The following GRK7 variants were observed in gnomAD, a reference collection of about 807,000 sequenced individuals.
GRK7 encodes rhodopsin kinase GRK7.
GRK7 carries 24 observed loss-of-function variants against 34.1 expected under a neutral mutation model. The observed-to-expected ratio is 0.70, with a 90% confidence interval of 0.51 to 0.99. The LOEUF is 0.99. Among genes scored for constraint, GRK7 ranks in the 50% least tolerant of loss-of-function variants. GRK7 has a pLI of 0.00. For synonymous variants in GRK7, 256 were observed against 279.4 expected (o/e 0.92, Z 0.84); for missense variants, 644 against 707.3 (o/e 0.91, Z 1.02).
chr3:141,816,744 T>C lies in GRK7; in HGVS notation c.1356T>C (p.His452=), dbSNP rs768947512. 8.4e-6 allele frequency: 13 copies of C among 1,543,246 alleles called. No individual in the cohort carries two copies. Among genetic ancestry groups the C allele is most frequent in the Admixed American group, 8.1e-5 (4 of 49,354 alleles). Reference sequence around the variant, plus strand: ...AGTCTGATGATCCCAGGAAACATCATTTCTTTAAAACGATCAACTTTCCTC... The same window carrying C: ...AGTCTGATGATCCCAGGAAACATCACTTCTTTAAAACGATCAACTTTCCTC... ...REKSDDPRKH[H]FFKTINFPRL... is the part of the protein sequence containing the mutation. Residue 452 remains histidine (H), a synonymous_variant, in exon 6 of 6, where the codon CAT becomes CAC. Transcript: ENST00000682958.
chr3:141,808,568 C>A (rs1445649470), intron 5 of GRK7, among the ~76,000 whole-genome samples: 1 of 151,762 alleles, frequency 6.6e-6, no homozygotes, highest in Admixed American at 6.6e-5. Flanking sequence ...CAAAAATTAG[C>A]CGGGGGCGGT....
At chr3:141,791,292 C>A (rs544879400) in intron 4 of GRK7, among the ~76,000 whole-genome samples, 1 of 152,284 alleles carries the variant, frequency 6.6e-6, no homozygotes, top group East Asian at 1.9e-4. Context: ...TTTTAAAAGA[C>A]CTCTGAACAT....
chr3:141,809,691 C>G (rs1000958314), intron 5 of GRK7, among the ~76,000 whole-genome samples: 10 of 152,010 alleles, frequency 6.6e-5, no homozygotes, highest in Non-Finnish European at 1.5e-4. Flanking sequence ...GAGCAAGACC[C>G]TGTCTCTAAA....
rs889332315 is a variant in GRK7, at chr3:141,765,482, T to G, written c.-471T>G. ...AAACATGGCCACAGTATTTTACAGC[T>G]ACTCCTATCAACCTGGGCTAGGCTT... is the stretch of plus-strand genomic sequence containing the variant. On this transcript the variant is annotated 5_prime_UTR_variant, in exon 1 of 6. Transcript: ENST00000682958. Among the ~76,000 whole-genome samples, 5 of 152,202 alleles carry G rather than the reference T, an allele frequency of 3.3e-5. No homozygotes were observed. The highest frequency in any genetic ancestry group is 1.2e-4 in the African/African-American group (5 of 41,456).
At chr3:141,772,981 C>T (rs187390905) in intron 1 of GRK7, among the ~76,000 whole-genome samples, 131 of 151,874 alleles carry the variant, frequency 8.6e-4, no homozygotes, top group African/African-American at 3.0e-3. Flanking sequence ...ACTAAAAATA[C>T]AAAAATTAGC....
In GRK7 at chr3:141,778,679, C is replaced by A. The variant is rs1195167989; in HGVS notation, c.395C>A (p.Thr132Asn). 9.3e-6 allele frequency: 15 copies of A among 1,613,688 alleles called. No individual in the cohort carries two copies. Among genetic ancestry groups the A allele is most frequent in the Non-Finnish European group, 1.3e-5 (15 of 1,179,828 alleles). ...PQPFLSQAVA[T>N]KCQAATTEEE... is the part of the protein sequence containing the mutation. ...CCCTTCCTCAGCCAGGCCGTGGCCA[C>A]CAAGTGCCAAGCAGCCACCACTGAG... The change falls in exon 3 of 6, where the codon ACC becomes AAC. Residue 132 changes from threonine (T) to asparagine (N), a missense_variant. Physicochemically the swap from Thr to Asn is moderately conservative, Grantham distance 65. Coordinates refer to ENST00000682958, the MANE Select transcript of GRK7 (RefSeq NM_139209.3). This position sits in a 1 kb window ranked among gnomAD's most constrained non-coding sequence, Gnocchi z 4.1.
Position 141,778,039 on chromosome 3 carries a change from T to G in GRK7, c.-113-133T>G, listed in dbSNP as rs2084648888. 1 of 487,502 alleles carries G rather than the reference T, an allele frequency of 2.1e-6. No homozygotes were observed. The highest frequency in any genetic ancestry group is 3.8e-5 in the Admixed American group (1 of 26,162). The allele number at this position is 487,502 out of a possible 1,614,324, so 30.2% of individuals were successfully genotyped here. On this transcript the variant is annotated intron_variant, in intron 2 of 5. Coordinates refer to ENST00000682958, the MANE Select transcript of GRK7 (RefSeq NM_139209.3). This position sits in a 1 kb window ranked among gnomAD's most constrained non-coding sequence, Gnocchi z 4.1. ...CAGTGGGGGAGGTGGCCCCGGCAGG[T>G]GTCCCAGCAGCTTTCGCCTTGGCAG...
At chr3:141,757,065 T>TAGCCTGAAATTCCTCA in the GRK7 span, among the ~76,000 whole-genome samples, 1 of 151,794 alleles carries the variant, frequency 6.6e-6, no homozygotes. Flanking sequence ...AATTTTAGTG[T>TAGCCTGAAATTCCTCA]AGCCTGAAAT....
chr3:141,790,072 G>C (rs2138790), intron 4 of GRK7, among the ~76,000 whole-genome samples: 14,904 of 152,242 alleles, frequency 0.098, 812 homozygotes, highest in Non-Finnish European at 0.13. Context: ...CACGATCTCA[G>C]CTCACTGCAA....
At chr3:141,797,054 T>C (rs1331261786) in intron 4 of GRK7, among the ~76,000 whole-genome samples, 1 of 152,230 alleles carries the variant, frequency 6.6e-6, no homozygotes, top group East Asian at 1.9e-4. Context: ...CTGGTAGAGC[T>C]GGGATCTGAA....
chr3:141,797,112 A>C (rs564855601), intron 4 of GRK7, among the ~76,000 whole-genome samples: 1 of 152,292 alleles, frequency 6.6e-6, no homozygotes, highest in Admixed American at 6.5e-5. Context: ...CCCAGACTCT[A>C]TGCCTGCAAA....
rs371722877 is a variant in GRK7 at position 141,788,920 on chromosome 3, A to G, written c.1050+8109A>G. The stretch of plus-strand genomic sequence containing the variant: ...GTGATCTCAGCTCACTGAAACCTCT[A>G]CCTCTCACGTTCAAGCACTACTACG... On this transcript the variant is annotated intron_variant, in intron 4 of 5. Transcript: ENST00000682958. 1.1e-4 allele frequency among the ~76,000 whole-genome samples: 16 copies of G among 152,132 alleles called. 1 individual carries two copies. The highest frequency in any genetic ancestry group is 3.4e-3 in the Middle Eastern group (1 of 294).
chr3:141,795,005 G>A, intron 4 of GRK7, among the ~76,000 whole-genome samples: 1 of 152,262 alleles, frequency 6.6e-6, no homozygotes, highest in African/African-American at 2.4e-5. Flanking sequence ...ACAAGGACAT[G>A]GGCAGTGATA....
At chr3:141,791,854 A>G (rs2084725806) in intron 4 of GRK7, among the ~76,000 whole-genome samples, 1 of 151,402 alleles carries the variant, frequency 6.6e-6, no homozygotes. Flanking sequence ...AAATACAAAA[A>G]TTAGCTGGGT....
the GRK7 span, among the ~76,000 whole-genome samples, chr3:141,752,694 C>CT: frequency 2.0e-3 from 306 of 152,276 alleles, 3 homozygotes; most frequent in African/African-American, 7.0e-3. Context: ...ATTATCAACT[C>CT]TTTCTACAGG....
chr3:141,816,946 G>A lies in GRK7; in HGVS notation c.1558G>A (p.Glu520Lys), dbSNP rs1335833553. 2 of 1,614,048 alleles carry A rather than the reference G, an allele frequency of 1.2e-6. No homozygotes were observed. The highest frequency in any genetic ancestry group is 8.5e-7 in the Non-Finnish European group (1 of 1,180,024). The change falls in exon 6 of 6, where the codon GAA becomes AAA. Residue 520 changes from glutamate to lysine, a missense_variant. Transcript: ENST00000682958. The stretch of plus-strand genomic sequence containing the variant: ...TGCTGTTCCTATAGCATGGCAGGAA[G>A]AAATTATAGAAACGGGACTGTTTGA... ...TGAVPIAWQEEIIETGLFEEL... is the reference protein window; with the variant it reads ...TGAVPIAWQEKIIETGLFEEL...
rs754667711 is a variant in GRK7, at chr3:141,807,891, A to G, written c.1297A>G (p.Lys433Glu). ...AGATATTTGCAGGCTCTTCTTGGCT[A>G]AGAAACCAGAGCAACGCTTAGGAAG... is the stretch of plus-strand genomic sequence containing the variant. The part of the protein sequence containing the change: ...AKDICRLFLA[K>E]KPEQRLGSRE... The change falls in exon 5 of 6, where the codon AAG (lysine) becomes GAG (glutamate). Residue 433 changes from lysine (K) to glutamate (E), a missense_variant. By Grantham distance (56) the Lys-to-Glu change is moderately conservative. Coordinates refer to ENST00000682958, the MANE Select transcript of GRK7 (RefSeq NM_139209.3). The G allele has an allele frequency of 4.1e-5, 65 of 1,602,466 alleles. No homozygotes were observed. The highest frequency in any genetic ancestry group is 5.4e-5 in the Non-Finnish European group (63 of 1,173,514).
intron 4 of GRK7, among the ~76,000 whole-genome samples, chr3:141,798,454 T>TAC (rs1317329589): frequency 4.4e-4 from 67 of 151,632 alleles, no homozygotes; most frequent in African/African-American, 1.3e-3. Context: ...ATAAAACACA[T>TAC]ACACACACAC....
chr3:141,786,830 T>C (rs1424241005), intron 4 of GRK7, among the ~76,000 whole-genome samples: 2 of 150,764 alleles, frequency 1.3e-5, no homozygotes, highest in Non-Finnish European at 2.9e-5. Context: ...AAAAGAGAAA[T>C]TATCCAGGTG....
Sources: allele counts gnomAD v4.1 joint callset (sites outside exome capture counted in the v4.1 genomes callset), GRCh38; gene constraint gnomAD v4.1.1; non-coding constraint Gnocchi (gnomAD v3.1); transcripts MANE v1.5; gene names NCBI Gene and HGNC (gene_info 2026-07-23, HGNC 2026-07-21).